The following TVP23C variants were observed in gnomAD, a reference collection of about 807,000 sequenced individuals.
TVP23C encodes Golgi apparatus membrane protein TVP23 homolog C.
TVP23C carries 19 observed loss-of-function variants against 28.7 expected under a neutral mutation model. The ratio of observed to expected loss-of-function variants is 0.66; its 90% CI spans 0.46 to 0.97. The LOEUF is 0.97. TVP23C is among the 50% of genes least tolerant of loss of function. The probability of loss-of-function intolerance (pLI) is 0.00; values close to 1 mark genes in which losing one functional copy is unlikely to be tolerated. For missense variants in TVP23C, 186 were observed against 241.3 expected, an observed-to-expected ratio of 0.77 and a Z score of 1.52; for synonymous variants, 68 against 81.7, an observed-to-expected ratio of 0.83 and a Z score of 0.90.
chr17:15,511,039 G>A (rs1248765995), intron 5 of TVP23C, among the ~76,000 whole-genome samples: 1 of 121,228 alleles, frequency 8.2e-6, no homozygotes, highest in Non-Finnish European at 1.7e-5. Context: ...GGGTGACAGG[G>A]CCAGACTTCG....
At chr17:15,509,498 T>C (rs1218776060) in intron 5 of TVP23C, among the ~76,000 whole-genome samples, 1 of 152,184 alleles carries the variant, frequency 6.6e-6, no homozygotes, top group Non-Finnish European at 1.5e-5. Context: ...CCTTTGCGAG[T>C]TTCTTGGTCT....
At chr17:15,521,651 T>C (rs1043038091) in intron 5 of TVP23C, among the ~76,000 whole-genome samples, 3 of 152,364 alleles carry the variant, frequency 2.0e-5, no homozygotes, top group Admixed American at 1.3e-4. Context: ...GGAGTTGGCA[T>C]TGGAGATTAA....
At chr17:15,556,363 C>CTTTT (rs58106297) in intron 1 of TVP23C, among the ~76,000 whole-genome samples, 1 of 122,038 alleles carries the variant, frequency 8.2e-6, no homozygotes, top group Non-Finnish European at 1.7e-5. Context: ...TTACCTTAGG[C>CTTTT]TTTTTTTTTT....
At chr17:15,511,060 A>AC (rs1171535335) in intron 5 of TVP23C, among the ~76,000 whole-genome samples, 1 of 143,024 alleles carries the variant, frequency 7.0e-6, no homozygotes, top group Non-Finnish European at 1.5e-5. Flanking sequence ...TCTCAAAAAA[A>AC]AAAAAAAAAA....
intron 1 of TVP23C, among the ~76,000 whole-genome samples, chr17:15,561,705 T>C (rs1984406147): frequency 6.6e-6 from 1 of 152,252 alleles, no homozygotes; most frequent in Admixed American, 6.5e-5. Context: ...TCCAGCCTCA[T>C]CCGGCCTGGG....
intron 5 of TVP23C, among the ~76,000 whole-genome samples, chr17:15,541,723 T>C (rs1983418620): frequency 1.3e-5 from 2 of 152,216 alleles, no homozygotes; most frequent in Non-Finnish European, 2.9e-5. Context: ...TCTAAACTTA[T>C]GTTTCATGGA....
intron 1 of TVP23C, among the ~76,000 whole-genome samples, chr17:15,560,018 T>C (rs2150864156): frequency 6.7e-6 from 1 of 149,518 alleles, no homozygotes; most frequent in Middle Eastern, 3.5e-3. Context: ...CTGTGTCAAA[T>C]GCTACTCATA....
At chr17:15,536,866 T>C (rs1983177444), downstream of TVP23C, 1 of 151,860 alleles carries the variant, frequency 6.6e-6, no homozygotes, top group African/African-American at 2.5e-5. Flanking sequence ...ATCCTACAGA[T>C]ATTCCTGCAA....
exon 6 of TVP23C, chr17:15,503,170 A>G: frequency 6.3e-7 from 1 of 1,588,714 alleles, no homozygotes; most frequent in East Asian, 2.3e-5. Flanking sequence ...GGAAGGCGGA[A>G]GCGGGAGGAT....
chr17:15,510,069 T>C (rs907132514), intron 5 of TVP23C, among the ~76,000 whole-genome samples: 2 of 152,178 alleles, frequency 1.3e-5, no homozygotes, highest in African/African-American at 4.8e-5. Flanking sequence ...AAGTGCTACT[T>C]AGAATGAATG....
chr17:15,563,383 T>G, intron 1 of TVP23C, 54 bp downstream of exon 1: 1 of 1,566,152 alleles, frequency 6.4e-7, no homozygotes, highest in Non-Finnish European at 8.6e-7. Context: ...CCACGGAACC[T>G]GCAGAGCCAG....
chr17:15,509,511 G>C (rs557780738), intron 5 of TVP23C, among the ~76,000 whole-genome samples: 2 of 152,340 alleles, frequency 1.3e-5, no homozygotes, highest in East Asian at 3.9e-4. Context: ...CTTGGTCTTT[G>C]CTTATACAGA....
intron 5 of TVP23C, among the ~76,000 whole-genome samples, chr17:15,543,475 C>T (rs1983510687): frequency 6.6e-6 from 1 of 151,406 alleles, no homozygotes; most frequent in Admixed American, 6.6e-5. Context: ...AAAATAAAAG[C>T]ATTCCTGGGA....
In TVP23C at chr17:15,559,555, TCTGGCTA is replaced by T. The variant is rs1984287954; in HGVS notation, c.12+3875_12+3881del. Among the ~76,000 whole-genome samples the T allele has an allele frequency of 7.4e-5, 11 of 148,486 alleles. No individual in the cohort carries two copies. In the South Asian group the frequency reaches 2.4e-3, roughly 33 times the overall value. On this transcript the variant is annotated intron_variant, in intron 1 of 5. Transcript: ENST00000518321. ...CTGACTCACCTGTTAGAAAGAGAAT[TCTGGCTA>T]CTGTAGTAAAAATCTGGAGGGGGAG... is the stretch of plus-strand genomic sequence containing the variant.
chr17:15,530,324 G>C (rs1982902422), intron 5 of TVP23C, among the ~76,000 whole-genome samples: 1 of 151,698 alleles, frequency 6.6e-6, no homozygotes. Flanking sequence ...TTTTTTCCTA[G>C]AGGTTGCCCT....
intron 5 of TVP23C, among the ~76,000 whole-genome samples, chr17:15,508,898 TTGCC>T (rs1386521599): frequency 6.6e-6 from 1 of 152,226 alleles, no homozygotes; most frequent in East Asian, 1.9e-4. Context: ...CTAGGGGCAC[TTGCC>T]AGGGGGAAAG....
chr17:15,556,975 T>C (rs1174856196), intron 1 of TVP23C, among the ~76,000 whole-genome samples: 2 of 150,780 alleles, frequency 1.3e-5, no homozygotes, highest in African/African-American at 4.8e-5. Flanking sequence ...TTGAGCACTG[T>C]TGAGCACTGA....
At position 15,545,821 on chromosome 17, in the gene TVP23C, G is replaced by A. The variant is rs113562922; in HGVS notation, c.426C>T (p.Ala142=). The change falls in exon 5 of 6, where the codon GCC becomes GCT. Residue 142 remains alanine (A), a synonymous_variant. Transcript: ENST00000518321. Reference sequence around the variant, plus strand: ...CTGTGAAGGAGAAGAGTGCACTAAAGGCAAATATCACCCACAGTACTGAAC... The same window carrying A: ...CTGTGAAGGAGAAGAGTGCACTAAAAGCAAATATCACCCACAGTACTGAAC... The part of the protein sequence containing the change: ...IACSVLWVIF[A]FSALFSFTVK... The A allele has an allele frequency of 1.5e-5, 24 of 1,613,568 alleles. No individual in the cohort carries two copies. The East Asian group carries it at 4.5e-4, about 30-fold the overall frequency.
At chr17:15,547,917 A>G (rs559724754) in intron 3 of TVP23C, among the ~76,000 whole-genome samples, 40 of 152,322 alleles carry the variant, frequency 2.6e-4, no homozygotes, top group African/African-American at 9.1e-4. Context: ...ATGGATGTTT[A>G]ATTAATGGTG....
Sources: gnomAD v4.1 joint callset for allele counts (sites outside exome capture counted in the v4.1 genomes callset) on GRCh38, gnomAD v4.1.1 for gene constraint, MANE v1.5 for transcripts, NCBI Gene and HGNC (gene_info 2026-07-23, HGNC 2026-07-21) for gene names.